ANO6: variants seen among roughly 807,000 people sequenced by gnomAD.
ANO6 encodes the protein anoctamin-6.
Under a neutral mutation model 117.5 loss-of-function variants are expected in ANO6, and 106 were observed. The ratio of observed to expected loss-of-function variants is 0.90; its 90% CI spans 0.77 to 1.06. The LOEUF is 1.06. Ranked by LOEUF, ANO6 falls within the 50% of genes least tolerant of loss-of-function variation. ANO6 has a pLI of 0.00. For synonymous variants in ANO6, 367 were observed against 385.1 expected, an observed-to-expected ratio of 0.95 and a Z score of 0.55; for missense variants, 955 against 1,121.1, an observed-to-expected ratio of 0.85 and a Z score of 2.12.
intron 1 of ANO6, among the ~76,000 whole-genome samples, chr12:45,255,664 C>A (rs1294145535): frequency 6.6e-6 from 1 of 152,070 alleles, no homozygotes; most frequent in African/African-American, 2.4e-5. Context: ...CTGGGAGTTA[C>A]AACTAGTAGA....
chr12:45,225,860 A>G (rs1479199524), intron 1 of ANO6, among the ~76,000 whole-genome samples: 2 of 152,360 alleles, frequency 1.3e-5, no homozygotes, highest in South Asian at 2.1e-4. Context: ...TCTGTGCAAG[A>G]GTAGTCAATT....
chr12:45,253,606 G>A (rs1937703863), intron 1 of ANO6, among the ~76,000 whole-genome samples: 1 of 152,160 alleles, frequency 6.6e-6, no homozygotes, highest in African/African-American at 2.4e-5. Flanking sequence ...ACATGAAAAT[G>A]TGTAATTGAG....
intron 1 of ANO6, chr12:45,228,242 T>C (rs1204170417): frequency 3.2e-5 from 14 of 435,364 alleles, no homozygotes; most frequent in African/African-American, 2.9e-4. Context: ...TTGATCCTCT[T>C]ACCTCAACCT....
In ANO6 at chr12:45,216,354, A is replaced by G; in HGVS notation, c.33A>G (p.Gln11=). MKKMSRNVLL[Q]MEEEEDDDDG... ...AGATGAGCAGGAATGTTTTGCTACA[A>G]ATGGAGGAGGAGGAGGACGACGACG... The change falls in exon 1 of 20, where the codon CAA becomes CAG. Residue 11 remains glutamine, a synonymous_variant. Coordinates refer to ENST00000320560, the MANE Select transcript of ANO6 (RefSeq NM_001025356.3). 6.2e-7 allele frequency: 1 copy of G among 1,612,982 alleles called. No homozygotes were observed. Among genetic ancestry groups the G allele is most frequent in the Non-Finnish European group, 8.5e-7 (1 of 1,179,428 alleles).
At chr12:45,270,531 T>TC (rs1938361655) in intron 1 of ANO6, 13 of 1,031,258 alleles carry the variant, frequency 1.3e-5, no homozygotes, top group Non-Finnish European at 1.8e-5. Flanking sequence ...CTGGGTAAGA[T>TC]CCCCTTCCTT....
chr12:45,437,716 C>T (rs1943723870), intron 19 of ANO6, among the ~76,000 whole-genome samples: 2 of 152,002 alleles, frequency 1.3e-5, no homozygotes, highest in African/African-American at 2.4e-5. Flanking sequence ...ATTACAGGTG[C>T]ACATGCCACG....
intron 1 of ANO6, among the ~76,000 whole-genome samples, chr12:45,282,350 G>A (rs1938767775): frequency 6.6e-6 from 1 of 152,214 alleles, no homozygotes; most frequent in Admixed American, 6.5e-5. Context: ...AGCAGACAAA[G>A]AGGAGCAGGG....
intron 1 of ANO6, among the ~76,000 whole-genome samples, chr12:45,232,569 A>G (rs189842680): frequency 6.6e-6 from 1 of 152,288 alleles, no homozygotes; most frequent in African/African-American, 2.4e-5. Flanking sequence ...ACTCTTTACA[A>G]AACAGGTCTA....
intron 1 of ANO6, among the ~76,000 whole-genome samples, chr12:45,291,768 C>T (rs369162005): frequency 1.8e-4 from 27 of 151,952 alleles, no homozygotes; most frequent in East Asian, 1.2e-3. Flanking sequence ...TTACACCTAC[C>T]GGGATGGCTA....
intron 1 of ANO6, among the ~76,000 whole-genome samples, chr12:45,241,107 G>A (rs1045039730): frequency 2.0e-5 from 3 of 152,172 alleles, no homozygotes; most frequent in African/African-American, 7.2e-5. Context: ...GCCTTGCTAG[G>A]TTGGAGAAGT....
intron 2 of ANO6, among the ~76,000 whole-genome samples, chr12:45,316,721 A>G (rs1429410832): frequency 6.6e-6 from 1 of 151,876 alleles, no homozygotes; most frequent in East Asian, 1.9e-4. Context: ...TTCCTTCAGT[A>G]TTATATTCCA....
chr12:45,219,491 C>A (rs1947364627), intron 1 of ANO6, among the ~76,000 whole-genome samples: 1 of 149,968 alleles, frequency 6.7e-6, no homozygotes. Context: ...CTTGTGACAC[C>A]ATGCCTGGCC....
chr12:45,348,068 C>T lies in ANO6; in HGVS notation c.386C>T (p.Pro129Leu), dbSNP rs1452747064. 10 of 1,613,820 alleles carry T rather than the reference C, an allele frequency of 6.2e-6. No homozygotes were observed. In the Admixed American group the frequency reaches 1.2e-4, roughly 19 times the overall value. ...DKLVFVKVHAPWEVLCTYAEI... is the reference protein window; with the variant it reads ...DKLVFVKVHALWEVLCTYAEI... ...CTTGTATTTGTAAAAGTACACGCACCATGGGAGGTGTTATGTACGTATGCT... is the reference window on the plus strand; with the variant it reads ...CTTGTATTTGTAAAAGTACACGCACTATGGGAGGTGTTATGTACGTATGCT... Residue 129 changes from proline (P) to leucine (L), a missense_variant, in exon 5 of 20, where the codon CCA becomes CTA. Coordinates refer to ENST00000320560, the MANE Select transcript of ANO6 (RefSeq NM_001025356.3).
At chr12:45,358,306 T>A (rs1941464955) in intron 8 of ANO6, among the ~76,000 whole-genome samples, 1 of 152,228 alleles carries the variant, frequency 6.6e-6, no homozygotes, top group Admixed American at 6.5e-5. Context: ...AACAGAGGAT[T>A]CTGAGCATGT....
At chr12:45,224,107 G>A (rs1411257619) in intron 1 of ANO6, among the ~76,000 whole-genome samples, 1 of 152,118 alleles carries the variant, frequency 6.6e-6, no homozygotes, top group African/African-American at 2.4e-5. Context: ...GATAATTTCA[G>A]TAACTTGTGA....
At chr12:45,232,444 C>G (rs149219829) in intron 1 of ANO6, among the ~76,000 whole-genome samples, 1 of 152,338 alleles carries the variant, frequency 6.6e-6, no homozygotes, top group Non-Finnish European at 1.5e-5. Flanking sequence ...TAGCTGAGAA[C>G]AGAACCTGGG....
chr12:45,417,018 A>G (rs1294446850), intron 17 of ANO6, 114 bp downstream of exon 17: 1 of 996,674 alleles, frequency 1.0e-6, no homozygotes, highest in Non-Finnish European at 1.5e-6. Flanking sequence ...TAAGTCTGTC[A>G]TCCACATAAA....
intron 1 of ANO6, among the ~76,000 whole-genome samples, chr12:45,251,504 A>T (rs1441188255): frequency 6.6e-6 from 1 of 152,184 alleles, no homozygotes. Context: ...CTGGGTTCAG[A>T]TGGGGCTGTA....
chr12:45,346,236 T>G (rs1220839788), intron 3 of ANO6, among the ~76,000 whole-genome samples: 1 of 152,206 alleles, frequency 6.6e-6, no homozygotes, highest in Admixed American at 6.5e-5. Flanking sequence ...TTTCTTCATT[T>G]CACAAAGCAG....
Sources: allele counts gnomAD v4.1 joint callset (sites outside exome capture counted in the v4.1 genomes callset), GRCh38; gene constraint gnomAD v4.1.1; transcripts MANE v1.5; gene names NCBI Gene and HGNC (gene_info 2026-07-23, HGNC 2026-07-21).